The following RBM47 variants were observed in gnomAD, a reference collection of about 807,000 sequenced individuals.
The protein encoded by RBM47 is RNA-binding protein 47.
In RBM47, 21 loss-of-function variants were observed where a neutral mutation model predicts 47.1. The observed-to-expected ratio is 0.45, with a 90% CI of 0.32 to 0.64. RBM47 has a LOEUF of 0.64. Among genes scored for constraint, RBM47 ranks in the 30% least tolerant of loss-of-function variants. The pLI is 0.05. For synonymous variants in RBM47, 375 were observed against 361.7 expected, an observed-to-expected ratio of 1.04 and a Z score of -0.42; for missense variants, 708 against 870.9, an observed-to-expected ratio of 0.81 and a Z score of 2.35.
At chr4:40,520,750 C>T (rs1348622246) in intron 2 of RBM47, among the ~76,000 whole-genome samples, 2 of 152,150 alleles carry the variant, frequency 1.3e-5, no homozygotes, top group Non-Finnish European at 2.9e-5. Flanking sequence ...CCAACCTCAA[C>T]AGATGTGTAA....
At chr4:40,520,941 A>C (rs1326963135) in intron 2 of RBM47, among the ~76,000 whole-genome samples, 1 of 152,210 alleles carries the variant, frequency 6.6e-6, no homozygotes, top group Non-Finnish European at 1.5e-5. Flanking sequence ...GTTCTTAAAA[A>C]TACTAACATA....
chr4:40,548,690 G>C (rs1047497249), intron 1 of RBM47, among the ~76,000 whole-genome samples: 10 of 151,842 alleles, frequency 6.6e-5, no homozygotes, highest in African/African-American at 2.4e-4. Flanking sequence ...TTTTGAGACA[G>C]AGTTTTGCTC....
chr4:40,535,371 C>CTTTTTTTTTTTTTTTTTTTTTTTTT (rs1177127352), intron 2 of RBM47, among the ~76,000 whole-genome samples: 12 of 103,434 alleles, frequency 1.2e-4, no homozygotes, highest in African/African-American at 2.2e-4. Flanking sequence ...TATGGTATTT[C>CTTTTTTTTTTTTTTTTTTTTTTTTT]TTTTTTTTTT....
intron 6 of RBM47, among the ~76,000 whole-genome samples, chr4:40,427,986 T>A (rs1577586571): frequency 6.6e-6 from 1 of 152,132 alleles, no homozygotes; most frequent in East Asian, 1.9e-4. Context: ...AGGCCAGGAG[T>A]TCGAGACCAG....
At chr4:40,610,939 G>A (rs1289272763) in intron 1 of RBM47, among the ~76,000 whole-genome samples, 1 of 152,128 alleles carries the variant, frequency 6.6e-6, no homozygotes, top group Non-Finnish European at 1.5e-5. Flanking sequence ...CAGCCATGGG[G>A]AACTGTTAAG....
chr4:40,472,457 T>C (rs1174515919), intron 2 of RBM47, among the ~76,000 whole-genome samples: 1 of 150,686 alleles, frequency 6.6e-6, no homozygotes, highest in Non-Finnish European at 1.5e-5. Context: ...ACCTGTAATC[T>C]CAGCTAAGGC....
intron 1 of RBM47, among the ~76,000 whole-genome samples, chr4:40,624,582 T>C (rs1560512054): frequency 6.6e-6 from 1 of 152,204 alleles, no homozygotes; most frequent in South Asian, 2.1e-4. Context: ...AAATAGATCA[T>C]AGGTATTAAC....
chr4:40,569,444 C>T lies in RBM47; in HGVS notation c.-239-24938G>A, dbSNP rs545297841. ...TTTTTTTTTGAGACGGAGTCTGGCT[C>T]TGTCGCCCAGGCTGGAGTGCAGTGG... On this transcript the variant is annotated intron_variant, in intron 1 of 6. Transcript: ENST00000295971. Among the ~76,000 whole-genome samples the T allele has an allele frequency of 1.0e-4, 15 of 149,216 alleles. No homozygotes were observed. The Middle Eastern group carries it at 0.01, about 102-fold the overall frequency.
intron 1 of RBM47, among the ~76,000 whole-genome samples, chr4:40,584,500 C>T (rs1451921719): frequency 6.6e-6 from 1 of 152,140 alleles, no homozygotes; most frequent in Non-Finnish European, 1.5e-5. Flanking sequence ...CCAACATATC[C>T]AAAACATTGT....
intron 2 of RBM47, among the ~76,000 whole-genome samples, chr4:40,534,936 GAAAA>G (rs368062797): frequency 1.0e-5 from 1 of 96,918 alleles, no homozygotes; most frequent in Non-Finnish European, 2.1e-5. Context: ...CTCCGTCTCA[GAAAA>G]AAAAAAAAAA....
chr4:40,623,557 T>C (rs1290902166), intron 1 of RBM47, among the ~76,000 whole-genome samples: 2 of 152,108 alleles, frequency 1.3e-5, no homozygotes, highest in African/African-American at 2.4e-5. Flanking sequence ...TGGAGTGCAG[T>C]GGCTAGTCAC....
chr4:40,581,312 C>T (rs1732887233), intron 1 of RBM47, among the ~76,000 whole-genome samples: 1 of 151,900 alleles, frequency 6.6e-6, no homozygotes, highest in African/African-American at 2.4e-5. Context: ...GTCCCAGCTA[C>T]TCGAGAGGCT....
chr4:40,481,562 T>C (rs1720427504), intron 2 of RBM47, among the ~76,000 whole-genome samples: 1 of 150,420 alleles, frequency 6.6e-6, no homozygotes, highest in South Asian at 2.1e-4. Context: ...ATGTGGCTTT[T>C]TTTTTTTTTG....
chr4:40,476,060 C>A (rs1379934147), intron 2 of RBM47, among the ~76,000 whole-genome samples: 3 of 152,268 alleles, frequency 2.0e-5, no homozygotes, highest in Middle Eastern at 3.4e-3. Flanking sequence ...CAAATAACGA[C>A]CGTAAGGAAA....
At chr4:40,593,170 T>G (rs1270788517) in intron 1 of RBM47, among the ~76,000 whole-genome samples, 1 of 148,396 alleles carries the variant, frequency 6.7e-6, no homozygotes, top group African/African-American at 2.5e-5. Flanking sequence ...AATTTTTTTT[T>G]TGTATTTTTA....
chr4:40,448,794 C>A (rs1438637702), intron 3 of RBM47, among the ~76,000 whole-genome samples: 1 of 152,070 alleles, frequency 6.6e-6, no homozygotes, highest in Admixed American at 6.6e-5. Flanking sequence ...TAAAGAATGC[C>A]ACTTAAAAGC....
chr4:40,607,108 T>A (rs1307019195), intron 1 of RBM47, among the ~76,000 whole-genome samples: 1 of 152,074 alleles, frequency 6.6e-6, no homozygotes, highest in African/African-American at 2.4e-5. Context: ...CAAACATCCA[T>A]CAACTGATGA....
At chr4:40,577,493 C>A (rs1180356526) in intron 1 of RBM47, among the ~76,000 whole-genome samples, 2 of 151,616 alleles carry the variant, frequency 1.3e-5, no homozygotes. Context: ...AAGTGACAGT[C>A]CAGACAAATG....
chr4:40,544,982 C>A (rs1472582383), intron 1 of RBM47, among the ~76,000 whole-genome samples: 1 of 151,418 alleles, frequency 6.6e-6, no homozygotes, highest in African/African-American at 2.4e-5. Context: ...ATCACTTGAG[C>A]CTAGGAGTTC....
Sources: gnomAD v4.1 joint callset for allele counts (sites outside exome capture counted in the v4.1 genomes callset) on GRCh38, gnomAD v4.1.1 for gene constraint, MANE v1.5 for transcripts, NCBI Gene and HGNC (gene_info 2026-07-23, HGNC 2026-07-21) for gene names.